Variants in VTI1A observed in about 807,000 individuals in gnomAD.
VTI1A encodes the protein vesicle transport through interaction with t-SNAREs 1A.
Under a neutral mutation model 34.9 loss-of-function variants are expected in VTI1A, and 22 were observed. The observed-to-expected ratio is 0.63, with a 90% CI of 0.45 to 0.90. VTI1A has a LOEUF of 0.90. Ranked by LOEUF, VTI1A falls within the 40% of genes least tolerant of loss-of-function variation. The probability of loss-of-function intolerance (pLI) is 0.00; values close to 1 mark genes in which losing one functional copy is unlikely to be tolerated. For missense variants in VTI1A, 268 were observed against 275.6 expected (o/e 0.97, Z 0.20); for synonymous variants, 87 against 97.3 (o/e 0.89, Z 0.62).
intron 7 of VTI1A, among the ~76,000 whole-genome samples, chr10:112,702,620 T>C (rs1397181529): frequency 6.6e-6 from 1 of 152,198 alleles, no homozygotes; most frequent in African/African-American, 2.4e-5. Flanking sequence ...AGAGTCTCAC[T>C]CTGTCGCCCA....
intron 5 of VTI1A, among the ~76,000 whole-genome samples, chr10:112,624,990 C>G (rs561436504): frequency 6.6e-6 from 1 of 152,074 alleles, no homozygotes; most frequent in African/African-American, 2.4e-5. Context: ...CCTAGCTACT[C>G]AAGAGGCTGA....
intron 7 of VTI1A, among the ~76,000 whole-genome samples, chr10:112,688,668 C>T (rs899676479): frequency 6.6e-6 from 1 of 151,728 alleles, no homozygotes; most frequent in African/African-American, 2.4e-5. Context: ...ATTACAGGCA[C>T]ATACCACCAC....
chr10:112,718,077 A>C (rs1849672561), intron 7 of VTI1A, among the ~76,000 whole-genome samples: 1 of 152,200 alleles, frequency 6.6e-6, no homozygotes, highest in South Asian at 2.1e-4. Context: ...TACTGTCCCC[A>C]TCAAGATGAC....
intron 7 of VTI1A, among the ~76,000 whole-genome samples, chr10:112,734,700 T>A (rs1850391777): frequency 6.6e-6 from 1 of 151,522 alleles, no homozygotes; most frequent in African/African-American, 2.4e-5. Context: ...TTGCCCAGGC[T>A]GGAGTGCAGT....
chr10:112,493,216 CTT>C (rs1450132422), intron 3 of VTI1A, among the ~76,000 whole-genome samples: 1 of 152,036 alleles, frequency 6.6e-6, no homozygotes, highest in Non-Finnish European at 1.5e-5. Flanking sequence ...AATATTTTCT[CTT>C]TAATTGTGTC....
chr10:112,757,461 G>A (rs183952024), intron 7 of VTI1A, among the ~76,000 whole-genome samples: 43 of 133,402 alleles, frequency 3.2e-4, no homozygotes, highest in Middle Eastern at 4.8e-3. Flanking sequence ...CCGCCTCCCA[G>A]CTTCAAGCAA....
In VTI1A at chr10:112,815,298, A is replaced by T; in HGVS notation, c.569A>T (p.Gln190Leu). ...CCTTTGCTGTCTCCTAGAATCATCC[A>T]GAACCGCATCCTGCTCGTCATCCTA... The part of the protein sequence containing the change: ...ILTGMLRRII[Q>L]NRILLVILGI... The change falls in exon 8 of 8, where the codon CAG becomes CTG. Residue 190 changes from glutamine (Q) to leucine (L), a missense_variant. Gln to Leu is a moderately radical substitution (Grantham distance 113). Coordinates refer to ENST00000393077, the MANE Select transcript of VTI1A (RefSeq NM_145206.4). 2 of 1,613,452 alleles carry T rather than the reference A, an allele frequency of 1.2e-6. No homozygotes were observed. Among genetic ancestry groups the T allele is most frequent in the South Asian group, 2.2e-5 (2 of 91,054 alleles).
intron 7 of VTI1A, among the ~76,000 whole-genome samples, chr10:112,796,646 C>T (rs1023080756): frequency 3.3e-5 from 5 of 152,178 alleles, no homozygotes; most frequent in Non-Finnish European, 7.3e-5. Flanking sequence ...TGGGCAAGTC[C>T]TTGGAAGAAT....
intron 7 of VTI1A, among the ~76,000 whole-genome samples, chr10:112,745,447 A>T (rs1227844762): frequency 6.6e-6 from 1 of 151,986 alleles, no homozygotes; most frequent in Non-Finnish European, 1.5e-5. Context: ...TCCAGTGTCG[A>T]GTGCTCTCAC....
At chr10:112,640,237 G>A (rs1157806708) in intron 5 of VTI1A, among the ~76,000 whole-genome samples, 1 of 151,888 alleles carries the variant, frequency 6.6e-6, no homozygotes, top group Non-Finnish European at 1.5e-5. Context: ...GTCATATTAG[G>A]ACATCTTTAA....
At chr10:112,830,849 A>ATATATATATATATATATATATT in the VTI1A span, among the ~76,000 whole-genome samples, 58 of 33,452 alleles carry the variant, frequency 1.7e-3, 1 homozygote, top group South Asian at 3.2e-3. Context: ...ATATATATAT[A>ATATATATATATATATATATATT]TTTTTTTTTT....
At chr10:112,791,587 A>G (rs1852479517) in intron 7 of VTI1A, among the ~76,000 whole-genome samples, 1 of 152,190 alleles carries the variant, frequency 6.6e-6, no homozygotes, top group Non-Finnish European at 1.5e-5. Context: ...TAAAGGTCCC[A>G]ATTGCTGCCA....
At chr10:112,500,533 A>G (rs1849196271) in intron 3 of VTI1A, among the ~76,000 whole-genome samples, 1 of 152,252 alleles carries the variant, frequency 6.6e-6, no homozygotes, top group Admixed American at 6.5e-5. Context: ...AGGTTTCTAC[A>G]GAAATTCTGA....
chr10:112,628,055 T>C (rs1229724762), intron 5 of VTI1A, among the ~76,000 whole-genome samples: 1 of 152,122 alleles, frequency 6.6e-6, no homozygotes, highest in Non-Finnish European at 1.5e-5. Context: ...CGTTTTTCTT[T>C]TTAAAAAATA....
chr10:112,801,778 T>C (rs1368046070), intron 7 of VTI1A, among the ~76,000 whole-genome samples: 5 of 152,234 alleles, frequency 3.3e-5, no homozygotes, highest in African/African-American at 1.2e-4. Flanking sequence ...AGAGATAAAT[T>C]GAGCCCCTTA....
intron 3 of VTI1A, among the ~76,000 whole-genome samples, chr10:112,489,029 T>C (rs1486116623): frequency 6.6e-6 from 1 of 152,230 alleles, no homozygotes; most frequent in Non-Finnish European, 1.5e-5. Flanking sequence ...CCAGTAGTTC[T>C]TAAACTCAAG....
At chr10:112,466,590 A>T (rs1323287229) in intron 3 of VTI1A, among the ~76,000 whole-genome samples, 1 of 152,196 alleles carries the variant, frequency 6.6e-6, no homozygotes, top group African/African-American at 2.4e-5. Context: ...TTGACAACTC[A>T]AATTTATACT....
intron 7 of VTI1A, among the ~76,000 whole-genome samples, chr10:112,671,079 C>T (rs978511229): frequency 3.3e-5 from 5 of 152,206 alleles, no homozygotes; most frequent in African/African-American, 1.2e-4. Context: ...AACATTTTGC[C>T]AACCTCTCTG....
Position 112,546,904 on chromosome 10 carries a change from A to G in VTI1A, c.427+8574A>G, listed in dbSNP as rs150808690. Among the ~76,000 whole-genome samples the G allele has an allele frequency of 2.0e-3, 306 of 152,240 alleles. 1 individual carries two copies. Among genetic ancestry groups the G allele is most frequent in the African/African-American group, 5.9e-3 (244 of 41,534 alleles). The stretch of plus-strand genomic sequence containing the variant: ...TCCTTGGGAGTCCTGTTTCTTTTCT[A>G]TGAAGGCTATCTCTTTTTAAAAAAT... On this transcript the variant is annotated intron_variant, in intron 5 of 7. Transcript: ENST00000393077.
Sources: gnomAD v4.1 joint callset for allele counts (sites outside exome capture counted in the v4.1 genomes callset) on GRCh38, gnomAD v4.1.1 for gene constraint, MANE v1.5 for transcripts, NCBI Gene and HGNC (gene_info 2026-07-23, HGNC 2026-07-21) for gene names.